Variants in DOCK1 observed in about 807,000 individuals in gnomAD.
The protein encoded by DOCK1 is dedicator of cytokinesis protein 1.
In DOCK1, 138 loss-of-function variants were observed where a neutral mutation model predicts 262.7. The ratio of observed to expected loss-of-function variants is 0.53; its 90% CI spans 0.46 to 0.61. The LOEUF is 0.61. DOCK1 is among the 20% of genes least tolerant of loss of function. DOCK1 has a pLI of 0.00. For synonymous variants in DOCK1, 866 were observed against 867.4 expected (o/e 1.00, Z 0.03); for missense variants, 1,908 against 2,370.7 (o/e 0.80, Z 4.05).
intron 27 of DOCK1, among the ~76,000 whole-genome samples, chr10:127,159,017 TC>T (rs1427614311): frequency 6.6e-6 from 1 of 152,070 alleles, no homozygotes; most frequent in Non-Finnish European, 1.5e-5. Flanking sequence ...TTTTGAACAC[TC>T]CTTGGTCAAG....
At chr10:127,202,449 G>A (rs1024995729) in intron 27 of DOCK1, among the ~76,000 whole-genome samples, 60 of 152,280 alleles carry the variant, frequency 3.9e-4, no homozygotes, top group African/African-American at 1.3e-3. Flanking sequence ...CTGCCCCGGT[G>A]CACAGGAGGC....
chr10:127,278,955 T>C (rs2060844976), intron 29 of DOCK1, among the ~76,000 whole-genome samples: 1 of 152,220 alleles, frequency 6.6e-6, no homozygotes, highest in Non-Finnish European at 1.5e-5. Flanking sequence ...GTCCAGGCCC[T>C]AAGGTGCCTA....
intron 1 of DOCK1, among the ~76,000 whole-genome samples, chr10:126,928,449 C>G (rs1455770954): frequency 2.6e-5 from 4 of 152,044 alleles, no homozygotes; most frequent in Admixed American, 6.6e-5. Flanking sequence ...GCCTTTAATC[C>G]AGGATGCCTG....
intron 1 of DOCK1, among the ~76,000 whole-genome samples, chr10:126,938,512 T>G (rs985262239): frequency 1.3e-5 from 2 of 152,242 alleles, no homozygotes; most frequent in Non-Finnish European, 1.5e-5. Context: ...TCTCTGTATA[T>G]CTGTCTTTAC....
intron 1 of DOCK1, among the ~76,000 whole-genome samples, chr10:126,950,890 G>T (rs1192193342): frequency 6.6e-6 from 1 of 152,068 alleles, no homozygotes; most frequent in Non-Finnish European, 1.5e-5. Flanking sequence ...GGTGGTGCTG[G>T]TGATGTTGGT....
intron 48 of DOCK1, among the ~76,000 whole-genome samples, chr10:127,435,134 A>AT (rs1272926526): frequency 2.6e-5 from 4 of 152,136 alleles, no homozygotes; most frequent in Non-Finnish European, 4.4e-5. Flanking sequence ...CAACATTGGT[A>AT]TTTTTTTGTA....
intron 32 of DOCK1, among the ~76,000 whole-genome samples, chr10:127,359,047 C>A (rs1324440861): frequency 6.6e-6 from 1 of 152,142 alleles, no homozygotes; most frequent in Non-Finnish European, 1.5e-5. Context: ...TAAGTCTACA[C>A]TGCAGGAGTC....
chr10:126,907,963 T>A (rs1440998579), intron 1 of DOCK1, among the ~76,000 whole-genome samples: 2 of 152,258 alleles, frequency 1.3e-5, no homozygotes, highest in Admixed American at 1.3e-4. Flanking sequence ...TGGGATGGTT[T>A]TGCCAGGAAA....
At chr10:127,416,074 C>T (rs767492932) in intron 44 of DOCK1, among the ~76,000 whole-genome samples, 13 of 152,208 alleles carry the variant, frequency 8.5e-5, no homozygotes, top group Admixed American at 2.0e-4. Context: ...GCGTGTCCAG[C>T]GCCGAGCCTT....
chr10:127,068,755 A>G (rs1278749823), intron 23 of DOCK1, among the ~76,000 whole-genome samples: 1 of 152,242 alleles, frequency 6.6e-6, no homozygotes, highest in African/African-American at 2.4e-5. Context: ...CTATATATAC[A>G]CACATATAAA....
intron 33 of DOCK1, among the ~76,000 whole-genome samples, chr10:127,368,454 A>G (rs35865830): frequency 0.011 from 1,745 of 152,000 alleles, 13 homozygotes; most frequent in Middle Eastern, 0.017. Context: ...ACTCCTCGAG[A>G]CACCACCACA....
chr10:127,322,365 T>C (rs2062572625), intron 29 of DOCK1, among the ~76,000 whole-genome samples: 1 of 149,014 alleles, frequency 6.7e-6, no homozygotes, highest in South Asian at 2.1e-4. Flanking sequence ...AATTTTTGTA[T>C]TTTTAGTAGT....
At chr10:127,139,715 G>C (rs576863223) in intron 27 of DOCK1, among the ~76,000 whole-genome samples, 1 of 152,096 alleles carries the variant, frequency 6.6e-6, no homozygotes, top group East Asian at 1.9e-4. Flanking sequence ...TTTGGGAGTC[G>C]GGGGCTCCTT....
intron 29 of DOCK1, among the ~76,000 whole-genome samples, chr10:127,336,414 T>TA (rs1363865428): frequency 1.3e-5 from 2 of 152,154 alleles, no homozygotes; most frequent in African/African-American, 4.8e-5. Flanking sequence ...TCCCGGCATT[T>TA]AAAAAAATTT....
chr10:126,967,159 A>T (rs36158592), intron 1 of DOCK1, among the ~76,000 whole-genome samples: 2 of 151,930 alleles, frequency 1.3e-5, no homozygotes, highest in African/African-American at 4.8e-5. Context: ...CAAAAAGGCC[A>T]CCATCTTTGT....
At chr10:127,135,068 T>A (rs2050574669) in intron 27 of DOCK1, among the ~76,000 whole-genome samples, 1 of 152,164 alleles carries the variant, frequency 6.6e-6, no homozygotes, top group South Asian at 2.1e-4. Flanking sequence ...GAGGCAAGAT[T>A]TACATGCCAC....
At position 127,342,674 on chromosome 10, in the gene DOCK1, C is replaced by T. The variant is rs536404139; in HGVS notation, c.3124-972C>T. On this transcript the variant is annotated intron_variant, in intron 30 of 51. Transcript: ENST00000623213. ...GTTCACACTTTATTTTTATAGAACT[C>T]TTTGCAGCTATCTCCTTTGATATAA... 2.1e-4 allele frequency among the ~76,000 whole-genome samples: 32 copies of T among 152,296 alleles called. No homozygotes were observed. In the East Asian group the frequency reaches 6.0e-3, roughly 28 times the overall value.
At chr10:127,113,450 A>G (rs1382791331) in intron 25 of DOCK1, among the ~76,000 whole-genome samples, 1 of 152,168 alleles carries the variant, frequency 6.6e-6, no homozygotes, top group Non-Finnish European at 1.5e-5. Context: ...TTTGCACTAA[A>G]ACATTTCTTT....
chr10:126,983,294 C>G (rs958041975), intron 4 of DOCK1, among the ~76,000 whole-genome samples: 7 of 152,180 alleles, frequency 4.6e-5, no homozygotes, highest in Admixed American at 6.5e-5. Context: ...CTGAAGAACC[C>G]CGGCCTTCAG....
Sources: allele counts gnomAD v4.1 joint callset (sites outside exome capture counted in the v4.1 genomes callset), GRCh38; gene constraint gnomAD v4.1.1; transcripts MANE v1.5; gene names NCBI Gene and HGNC (gene_info 2026-07-23, HGNC 2026-07-21).